SPAG16: variants seen among roughly 807,000 people sequenced by gnomAD.
SPAG16 encodes sperm-associated antigen 16 protein.
Under a neutral mutation model 80.4 loss-of-function variants are expected in SPAG16, and 86 were observed. That is an observed-to-expected ratio of 1.07 (90% confidence interval 0.90 to 1.28). The LOEUF (loss-of-function observed/expected upper bound fraction) is 1.28. SPAG16 is among the 50% of genes most tolerant of loss of function. The pLI, the probability that SPAG16 is intolerant of heterozygous loss-of-function variation, is 0.00. For missense variants in SPAG16, 870 were observed against 765.3 expected (o/e 1.14, Z -1.61); for synonymous variants, 294 against 265.9 (o/e 1.11, Z -1.03).
chr2:213,984,789 C>G (rs1320852487), intron 12 of SPAG16, among the ~76,000 whole-genome samples: 5 of 152,088 alleles, frequency 3.3e-5, no homozygotes, highest in Non-Finnish European at 5.9e-5. Context: ...CCCCATCCCT[C>G]TCTCTAGTGC....
At chr2:213,435,685 G>A (rs2070591864) in intron 9 of SPAG16, among the ~76,000 whole-genome samples, 1 of 152,088 alleles carries the variant, frequency 6.6e-6, no homozygotes, top group African/African-American at 2.4e-5. Context: ...ATATAATTTA[G>A]TTTAATATTT....
chr2:213,404,848 T>G (rs1388196152), intron 9 of SPAG16, among the ~76,000 whole-genome samples: 2 of 152,212 alleles, frequency 1.3e-5, no homozygotes, highest in African/African-American at 4.8e-5. Flanking sequence ...TTAAAATTTT[T>G]TTTTAATTAT....
intron 13 of SPAG16, among the ~76,000 whole-genome samples, chr2:214,059,341 G>C (rs919172584): frequency 3.4e-5 from 5 of 148,534 alleles, no homozygotes; most frequent in African/African-American, 1.2e-4. Context: ...TTTTCAGTTA[G>C]TGGATTATTA....
In SPAG16 at chr2:213,385,820, A is replaced by G. The variant is rs559797940; in HGVS notation, c.942+10701A>G. On this transcript the variant is annotated intron_variant, in intron 9 of 15. Coordinates refer to ENST00000331683, the MANE Select transcript of SPAG16 (RefSeq NM_024532.5). ...CACACACACACACACACACACACGT[A>G]TGACTTCTTGTAACTCAGAATAAAT... Among the ~76,000 whole-genome samples, 25 of 150,514 alleles carry G rather than the reference A, an allele frequency of 1.7e-4. 1 individual carries two copies. The East Asian group carries it at 3.9e-3, about 23-fold the overall frequency.
At chr2:214,177,512 T>C (rs754839503) in intron 15 of SPAG16, among the ~76,000 whole-genome samples, 1 of 151,110 alleles carries the variant, frequency 6.6e-6, no homozygotes, top group Non-Finnish European at 1.5e-5. Context: ...CATTCTTTAA[T>C]ATTCTATTCA....
intron 15 of SPAG16, among the ~76,000 whole-genome samples, chr2:214,222,388 A>C (rs1251406860): frequency 6.6e-6 from 1 of 152,134 alleles, no homozygotes; most frequent in East Asian, 1.9e-4. Flanking sequence ...AAGTGCTGAG[A>C]TTACAGGCGT....
intron 13 of SPAG16, among the ~76,000 whole-genome samples, chr2:214,107,231 C>T (rs1234882063): frequency 6.6e-6 from 1 of 152,122 alleles, no homozygotes; most frequent in Non-Finnish European, 1.5e-5. Flanking sequence ...ATGCCCATCT[C>T]CTCCACTAGA....
chr2:213,833,470 TATAATAATATATATA>T, intron 10 of SPAG16, among the ~76,000 whole-genome samples: 1 of 17,770 alleles, frequency 5.6e-5, no homozygotes, highest in Non-Finnish European at 1.1e-4. Flanking sequence ...ATATATTATA[TATAATAATATATATA>T]TTATATATAA....
intron 10 of SPAG16, among the ~76,000 whole-genome samples, chr2:213,628,611 G>A (rs191408459): frequency 1.3e-5 from 2 of 152,240 alleles, no homozygotes; most frequent in African/African-American, 2.4e-5. Context: ...ACTTGGATTC[G>A]CACAACTTGT....
chr2:213,409,424 G>C (rs1575516488), intron 9 of SPAG16, among the ~76,000 whole-genome samples: 1 of 152,256 alleles, frequency 6.6e-6, no homozygotes, highest in East Asian at 1.9e-4. Context: ...GTTTAAGCAA[G>C]TTGTAAAACG....
chr2:213,671,565 C>T (rs908918936), intron 10 of SPAG16, among the ~76,000 whole-genome samples: 2 of 152,180 alleles, frequency 1.3e-5, no homozygotes, highest in Admixed American at 1.3e-4. Flanking sequence ...CCCATCTCCT[C>T]CATAAGATTT....
intron 9 of SPAG16, among the ~76,000 whole-genome samples, chr2:213,463,023 G>A (rs917197117): frequency 7.9e-5 from 12 of 152,226 alleles, no homozygotes; most frequent in African/African-American, 2.9e-4. Context: ...TGACCAAAAT[G>A]CTGATAGTAA....
At chr2:214,202,482 G>C (rs1013665039) in intron 15 of SPAG16, among the ~76,000 whole-genome samples, 1 of 152,136 alleles carries the variant, frequency 6.6e-6, no homozygotes, top group African/African-American at 2.4e-5. Context: ...ACTAGGAAAG[G>C]CCTTGGATGA....
At chr2:213,303,008 A>C (rs763687563) in intron 3 of SPAG16, among the ~76,000 whole-genome samples, 3 of 152,086 alleles carry the variant, frequency 2.0e-5, no homozygotes, top group Non-Finnish European at 2.9e-5. Flanking sequence ...ATCATTTTCA[A>C]ATTTATTGAC....
intron 15 of SPAG16, among the ~76,000 whole-genome samples, chr2:214,353,196 A>G (rs1698539688): frequency 6.6e-6 from 1 of 152,152 alleles, no homozygotes; most frequent in Admixed American, 6.5e-5. Flanking sequence ...AAATGCAGTC[A>G]AGAAAGAGGG....
At chr2:214,274,961 C>T (rs1169553909) in intron 15 of SPAG16, among the ~76,000 whole-genome samples, 1 of 150,782 alleles carries the variant, frequency 6.6e-6, no homozygotes, top group Non-Finnish European at 1.5e-5. Flanking sequence ...TTAATTATTG[C>T]CTCAATTTCA....
chr2:213,952,342 G>A (rs747258092), intron 12 of SPAG16, among the ~76,000 whole-genome samples: 8 of 151,866 alleles, frequency 5.3e-5, no homozygotes, highest in Non-Finnish European at 8.8e-5. Context: ...ACAAGGAGAC[G>A]TTTATAGAGA....
chr2:213,556,262 C>A (rs2059418580), intron 10 of SPAG16, among the ~76,000 whole-genome samples: 1 of 135,760 alleles, frequency 7.4e-6, no homozygotes, highest in African/African-American at 2.7e-5. Flanking sequence ...ATGATTACAT[C>A]TTCCAGTCAA....
At chr2:214,364,839 T>A (rs1295160509) in intron 15 of SPAG16, among the ~76,000 whole-genome samples, 1 of 152,120 alleles carries the variant, frequency 6.6e-6, no homozygotes, top group Admixed American at 6.6e-5. Context: ...TTTTTTTTCC[T>A]TTGGGCAGAG....
Sources: gnomAD v4.1 joint callset for allele counts (sites outside exome capture counted in the v4.1 genomes callset) on GRCh38, gnomAD v4.1.1 for gene constraint, MANE v1.5 for transcripts, NCBI Gene and HGNC (gene_info 2026-07-23, HGNC 2026-07-21) for gene names.